MMS22L: variants seen among roughly 807,000 people sequenced by gnomAD.
The protein encoded by MMS22L is MMS22 like, DNA repair protein.
A neutral mutation model predicts 159.1 loss-of-function variants in MMS22L; 74 were observed. The ratio of observed to expected loss-of-function variants is 0.47; its 90% CI spans 0.39 to 0.56. MMS22L has a LOEUF of 0.56. MMS22L is among the 20% of genes least tolerant of loss of function. MMS22L has a pLI of 0.00. For missense variants in MMS22L, 1,351 were observed against 1,422.1 expected (o/e 0.95, Z 0.80); for synonymous variants, 517 against 506.9 (o/e 1.02, Z -0.27).
chr6:97,191,094 G>T (rs2128286544), intron 14 of MMS22L, among the ~76,000 whole-genome samples: 1 of 152,138 alleles, frequency 6.6e-6, no homozygotes, highest in South Asian at 2.1e-4. Flanking sequence ...GCTACTTCTT[G>T]CTTTGATTTC....
chr6:97,163,068 C>G (rs1006553224), intron 21 of MMS22L, among the ~76,000 whole-genome samples: 18 of 152,050 alleles, frequency 1.2e-4, no homozygotes, highest in African/African-American at 4.3e-4. Flanking sequence ...ACAGTGACTT[C>G]CAACAAATAC....
At chr6:97,208,319 T>C (rs1433727058) in intron 14 of MMS22L, among the ~76,000 whole-genome samples, 2 of 152,124 alleles carry the variant, frequency 1.3e-5, no homozygotes, top group South Asian at 2.1e-4. Flanking sequence ...TTTCAATTCA[T>C]TGGGCATATT....
chr6:97,221,229 G>T (rs558016678), intron 14 of MMS22L, among the ~76,000 whole-genome samples: 24 of 152,020 alleles, frequency 1.6e-4, no homozygotes, highest in African/African-American at 5.8e-4. Flanking sequence ...CAAGATTTTG[G>T]CACATAAGTT....
rs1800893801 is a variant in MMS22L at position 97,145,527 on chromosome 6, A to C, written c.*1279T>G. On this transcript the variant is annotated 3_prime_UTR_variant, in exon 25 of 25. Transcript: ENST00000683635. ...AAAACATTGGAAAGTGGGATCATTC[A>C]TCTGGGACATATCATTAGAGAAAGA... 6.6e-6 allele frequency: 1 copy of C among 152,214 alleles called. No homozygotes were observed. The highest frequency in any genetic ancestry group is 1.5e-5 in the Non-Finnish European group (1 of 68,026). The allele number at this position is 152,214 out of a possible 1,614,324, so 9.4% of individuals were successfully genotyped here. A position where few individuals can be genotyped will look rare whatever the true frequency, so the allele number is the denominator to read the frequency against.
chr6:97,174,268 A>T (rs13214461), intron 18 of MMS22L, among the ~76,000 whole-genome samples: 8 of 151,202 alleles, frequency 5.3e-5, no homozygotes, highest in South Asian at 2.1e-4. Context: ...AATAAAAAAA[A>T]AAAAAAAATA....
At chr6:97,213,459 C>T (rs1808619463) in intron 14 of MMS22L, among the ~76,000 whole-genome samples, 1 of 151,958 alleles carries the variant, frequency 6.6e-6, no homozygotes, top group Non-Finnish European at 1.5e-5. Flanking sequence ...CCACTTTTGT[C>T]CCCCCACCCT....
At chr6:97,150,057 G>A (rs1385971233) in intron 23 of MMS22L, 37 bp from the exon 24 acceptor site, 4 of 1,572,564 alleles carry the variant, frequency 2.5e-6, no homozygotes, top group Non-Finnish European at 3.5e-6. Context: ...ATTACTCCTG[G>A]GGCAATTCCT....
intron 2 of MMS22L, 118 bp downstream of exon 2, chr6:97,282,196 A>G: frequency 1.0e-6 from 1 of 971,472 alleles, no homozygotes; most frequent in Non-Finnish European, 1.5e-6. Flanking sequence ...TGATATACTA[A>G]GCTGATTTAT....
chr6:97,240,864 T>C (rs576851734), intron 11 of MMS22L, among the ~76,000 whole-genome samples: 1 of 152,244 alleles, frequency 6.6e-6, no homozygotes, highest in African/African-American at 2.4e-5. Flanking sequence ...TGACCTCAGG[T>C]GATCCACCTG....
chr6:97,211,352 A>AT (rs1808353402), intron 14 of MMS22L, among the ~76,000 whole-genome samples: 1 of 152,256 alleles, frequency 6.6e-6, no homozygotes, highest in African/African-American at 2.4e-5. Context: ...TTTGTGGCAA[A>AT]TTAATATTAA....
chr6:97,209,820 CT>C (rs1170395757), intron 14 of MMS22L, among the ~76,000 whole-genome samples: 2 of 151,708 alleles, frequency 1.3e-5, no homozygotes, highest in African/African-American at 4.8e-5. Context: ...CTATGTCATT[CT>C]TTTTTTGTAA....
At chr6:97,173,583 C>G (rs1562417201) in intron 18 of MMS22L, among the ~76,000 whole-genome samples, 1 of 152,044 alleles carries the variant, frequency 6.6e-6, no homozygotes, top group Admixed American at 6.6e-5. Context: ...ACCATATTTC[C>G]CAGATTACTA....
intron 20 of MMS22L, 97 bp from the exon 21 acceptor site, chr6:97,165,554 A>G (rs1266105174): frequency 9.4e-6 from 9 of 952,996 alleles, no homozygotes; most frequent in Non-Finnish European, 1.2e-5. Flanking sequence ...ATTAATAATC[A>G]TGTGAGAATA....
intron 14 of MMS22L, among the ~76,000 whole-genome samples, chr6:97,219,125 C>T (rs1336886500): frequency 2.6e-5 from 4 of 152,222 alleles, no homozygotes; most frequent in East Asian, 3.9e-4. Flanking sequence ...TCCCTCGACA[C>T]GTGGGGATTA....
intron 10 of MMS22L, chr6:97,253,850 G>C (rs545083109): frequency 2.3e-4 from 35 of 152,284 alleles, no homozygotes; most frequent in African/African-American, 8.4e-4. Context: ...TGAAAATATA[G>C]ACAAGTTGGC....
At chr6:97,239,408 T>G (rs1037483711) in intron 11 of MMS22L, among the ~76,000 whole-genome samples, 14 of 152,236 alleles carry the variant, frequency 9.2e-5, no homozygotes, top group African/African-American at 2.2e-4. Flanking sequence ...CTTTCTCATA[T>G]GAAAACAATA....
chr6:97,178,888 T>C (rs1285280722), intron 17 of MMS22L, among the ~76,000 whole-genome samples: 2 of 152,044 alleles, frequency 1.3e-5, no homozygotes, highest in East Asian at 1.9e-4. Flanking sequence ...CCACAAACAA[T>C]AGCTTTGGGA....
intron 14 of MMS22L, among the ~76,000 whole-genome samples, chr6:97,188,439 T>A (rs1320115525): frequency 6.6e-6 from 1 of 152,172 alleles, no homozygotes; most frequent in Non-Finnish European, 1.5e-5. Context: ...ATTAAATTCT[T>A]TTAAAATCGG....
upstream of MMS22L, chr6:97,283,379 C>CG (rs66700414): frequency 0.086 from 12,803 of 148,520 alleles, 939 homozygotes; most frequent in African/African-American, 0.2. Flanking sequence ...GGCTGAAAGG[C>CG]GGGGCCTGGT....
Sources: allele counts gnomAD v4.1 joint callset (sites outside exome capture counted in the v4.1 genomes callset), GRCh38; gene constraint gnomAD v4.1.1; transcripts MANE v1.5; gene names NCBI Gene and HGNC (gene_info 2026-07-23, HGNC 2026-07-21).